FBXL7: variants seen among roughly 807,000 people sequenced by gnomAD.
The protein encoded by FBXL7 is F-box/LRR-repeat protein 7.
A neutral mutation model predicts 38.3 loss-of-function variants in FBXL7; 12 were observed. The observed-to-expected ratio is 0.31, with a 90% CI of 0.20 to 0.51. The LOEUF is 0.51. FBXL7 is among the 20% of genes least tolerant of loss of function. The pLI, the probability that FBXL7 is intolerant of heterozygous loss-of-function variation, is 0.98. For synonymous variants in FBXL7, 297 were observed against 300.9 expected (o/e 0.99, Z 0.13); for missense variants, 567 against 676.4 (o/e 0.84, Z 1.79).
At chr5:15,800,074 A>G (rs1025281946) in intron 2 of FBXL7, among the ~76,000 whole-genome samples, 7 of 152,224 alleles carry the variant, frequency 4.6e-5, no homozygotes, top group South Asian at 4.1e-4. Context: ...TAATAACAAT[A>G]TCTTATCCAT....
intron 2 of FBXL7, among the ~76,000 whole-genome samples, chr5:15,895,358 T>C (rs976640132): frequency 9.9e-5 from 15 of 152,154 alleles, no homozygotes; most frequent in African/African-American, 2.9e-4. Flanking sequence ...TTTAATCTAG[T>C]TAATTTTGAA....
At chr5:15,504,008 C>T (rs1223387704) in intron 1 of FBXL7, among the ~76,000 whole-genome samples, 4 of 152,238 alleles carry the variant, frequency 2.6e-5, no homozygotes, top group Admixed American at 6.5e-5. Context: ...CAGAGGCCTC[C>T]AACTCAGTGT....
intron 3 of FBXL7, among the ~76,000 whole-genome samples, chr5:15,929,168 G>A (rs1209558515): frequency 6.6e-6 from 1 of 152,152 alleles, no homozygotes; most frequent in African/African-American, 2.4e-5. Flanking sequence ...ACTCAGCTGT[G>A]GGCTGTGCTC....
chr5:15,592,254 T>C (rs909134996), intron 1 of FBXL7, among the ~76,000 whole-genome samples: 1 of 152,170 alleles, frequency 6.6e-6, no homozygotes, highest in African/African-American at 2.4e-5. Flanking sequence ...TTTTATATTC[T>C]TCACCCACAA....
At chr5:15,740,189 G>C (rs1735858583) in intron 2 of FBXL7, among the ~76,000 whole-genome samples, 1 of 152,202 alleles carries the variant, frequency 6.6e-6, no homozygotes, top group Admixed American at 6.5e-5. Flanking sequence ...ATGAGGCACT[G>C]ACAGCAAAGC....
At chr5:15,550,084 GCTAA>G (rs756403257) in intron 1 of FBXL7, among the ~76,000 whole-genome samples, 55 of 152,296 alleles carry the variant, frequency 3.6e-4, no homozygotes, top group South Asian at 6.2e-4. Context: ...GAGAATATTG[GCTAA>G]CTATGTTGAA....
At position 15,518,514 on chromosome 5, in the gene FBXL7, G is replaced by T. The variant is rs576889051; in HGVS notation, c.37+17801G>T. ...GCAGGAGAACGTTTGAATTGTGGCT[G>T]GGATATAATGCCTGAAGAGGAGGGT... is the stretch of plus-strand genomic sequence containing the variant. On this transcript the variant is annotated intron_variant, in intron 1 of 3. Coordinates refer to ENST00000504595, the MANE Select transcript of FBXL7 (RefSeq NM_012304.5). 2.4e-4 allele frequency among the ~76,000 whole-genome samples: 37 copies of T among 152,264 alleles called. 1 individual carries two copies. In the South Asian group the frequency reaches 7.7e-3, roughly 32 times the overall value.
At position 15,937,433 on chromosome 5, in the gene FBXL7, A is replaced by G. The variant is rs1354635312; in HGVS notation, c.*247A>G. The G allele has an allele frequency of 9.1e-5, 46 of 504,270 alleles. No individual in the cohort carries two copies. Among genetic ancestry groups the G allele is most frequent in the East Asian group, 3.5e-5 (1 of 28,274 alleles). 31.2% of individuals were successfully genotyped at this position (504,270 alleles called of 1,614,324 possible). The stretch of plus-strand genomic sequence containing the variant: ...TAGGCAGTTTCTCTTCTCACAAAAG[A>G]TGTACTTAAGCAGGCTGATCGCTGT... On this transcript the variant is annotated 3_prime_UTR_variant, in exon 4 of 4. Transcript: ENST00000504595.
chr5:15,555,343 C>T (rs1738198747), intron 1 of FBXL7, among the ~76,000 whole-genome samples: 1 of 152,126 alleles, frequency 6.6e-6, no homozygotes, highest in South Asian at 2.1e-4. Flanking sequence ...AGCAAAAGCA[C>T]AGCTGTCTAA....
intron 2 of FBXL7, among the ~76,000 whole-genome samples, chr5:15,737,101 A>C (rs906657619): frequency 6.6e-6 from 1 of 152,130 alleles, no homozygotes; most frequent in Non-Finnish European, 1.5e-5. Flanking sequence ...AGCATTTAAG[A>C]TTTGAGCCCC....
chr5:15,538,138 A>C (rs776516442), intron 1 of FBXL7, among the ~76,000 whole-genome samples: 4 of 152,210 alleles, frequency 2.6e-5, no homozygotes. Context: ...ATTCTCCCCT[A>C]TTAAACACAT....
At chr5:15,645,437 T>G (rs1222814453) in intron 2 of FBXL7, among the ~76,000 whole-genome samples, 2 of 152,154 alleles carry the variant, frequency 1.3e-5, no homozygotes, top group Non-Finnish European at 2.9e-5. Context: ...TCTTCCCTGC[T>G]TGGAGTTTTC....
intron 2 of FBXL7, among the ~76,000 whole-genome samples, chr5:15,649,466 A>G (rs1741637648): frequency 6.6e-6 from 1 of 152,206 alleles, no homozygotes; most frequent in African/African-American, 2.4e-5. Context: ...AAAGCTAATA[A>G]GATTCATGGG....
chr5:15,905,773 T>G (rs949574046), intron 2 of FBXL7, among the ~76,000 whole-genome samples: 20 of 152,058 alleles, frequency 1.3e-4, no homozygotes, highest in Admixed American at 1.3e-3. Context: ...GTGATGTGGC[T>G]TGGGGGACAC....
chr5:15,506,968 A>G (rs1736665330), intron 1 of FBXL7, among the ~76,000 whole-genome samples: 2 of 150,174 alleles, frequency 1.3e-5, no homozygotes, highest in Non-Finnish European at 3.0e-5. Flanking sequence ...ATCCAATGCA[A>G]CAGGGTCAGT....
At chr5:15,515,203 T>G (rs1736901463) in intron 1 of FBXL7, among the ~76,000 whole-genome samples, 1 of 152,200 alleles carries the variant, frequency 6.6e-6, no homozygotes, top group East Asian at 1.9e-4. Context: ...AGGGGAGCCT[T>G]CAGCTGACAG....
At chr5:15,500,739 T>A in intron 1 of FBXL7, 26 bp downstream of exon 1, 1 of 1,601,780 alleles carries the variant, frequency 6.2e-7, no homozygotes, top group South Asian at 1.1e-5. Flanking sequence ...GTCCTCAGAC[T>A]CCCGGATCGC....
chr5:15,729,329 C>A (rs1321929727), intron 2 of FBXL7, among the ~76,000 whole-genome samples: 1 of 152,046 alleles, frequency 6.6e-6, no homozygotes. Flanking sequence ...TTGACAGTAG[C>A]AGAGAACTTG....
At chr5:15,812,667 G>T (rs1737897689) in intron 2 of FBXL7, among the ~76,000 whole-genome samples, 1 of 152,094 alleles carries the variant, frequency 6.6e-6, no homozygotes, top group African/African-American at 2.4e-5. Context: ...ATTCTGTAAA[G>T]AATGTCAGTG....
Sources: gnomAD v4.1 joint callset for allele counts (sites outside exome capture counted in the v4.1 genomes callset) on GRCh38, gnomAD v4.1.1 for gene constraint, MANE v1.5 for transcripts, NCBI Gene and HGNC (gene_info 2026-07-23, HGNC 2026-07-21) for gene names.